DYSF: variants seen among roughly 807,000 people sequenced by gnomAD.
DYSF encodes dystrophy-associated fer-1-like 1.
Under a neutral mutation model 274.9 loss-of-function variants are expected in DYSF, and 212 were observed. The observed-to-expected ratio is 0.77, with a 90% CI of 0.69 to 0.86. DYSF has a LOEUF of 0.86. Ranked by LOEUF, DYSF falls within the 40% of genes least tolerant of loss-of-function variation. DYSF has a pLI of 0.00. For synonymous variants in DYSF, 1,091 were observed against 1,078.7 expected (o/e 1.01, Z -0.22); for missense variants, 2,666 against 2,783.2 (o/e 0.96, Z 0.95).
intron 40 of DYSF, among the ~76,000 whole-genome samples, chr2:71,618,253 CGTGTGTG>C (rs2093965983): frequency 5.7e-4 from 3 of 5,232 alleles, no homozygotes; most frequent in African/African-American, 6.5e-4. Flanking sequence ...GTAGAGGTGG[CGTGTGTG>C]GTAGAGGTGT....
At position 71,569,126 on chromosome 2, in the gene DYSF, G is replaced by A. The variant is rs11901593; in HGVS notation, c.2865-694G>A. 8.5e-3 allele frequency among the ~76,000 whole-genome samples: 1,288 copies of A among 152,122 alleles called. 13 individuals carry two copies. Among genetic ancestry groups the A allele is most frequent in the African/African-American group, 0.027 (1,133 of 41,492 alleles). ...CCTGACCTGGTGATCCACCCGCCTC[G>A]GCCTCCCAAAGTGCTGGGATTACAG... is the stretch of plus-strand genomic sequence containing the variant. On this transcript the variant is annotated intron_variant, in intron 26 of 55. Coordinates refer to ENST00000410020, the MANE Select transcript of DYSF (RefSeq NM_001130987.2).
intron 32 of DYSF, among the ~76,000 whole-genome samples, chr2:71,594,343 T>G (rs936327748): frequency 6.6e-6 from 1 of 152,216 alleles, no homozygotes; most frequent in Admixed American, 6.5e-5. Context: ...CATTGGAGGC[T>G]TGTGAAATGC....
intron 14 of DYSF, among the ~76,000 whole-genome samples, chr2:71,533,649 A>G (rs1200876593): frequency 2.0e-5 from 3 of 152,222 alleles, no homozygotes; most frequent in African/African-American, 2.4e-5. Flanking sequence ...TTCATAGGGC[A>G]GTGGGAACAT....
intron 17 of DYSF, among the ~76,000 whole-genome samples, chr2:71,543,098 T>TC (rs200443086): frequency 0.81 from 120,246 of 149,328 alleles, 49,580 homozygotes; most frequent in African/African-American, 0.89. Context: ...GCTCCTCACT[T>TC]CCAGACGGGG....
chr2:71,534,470 A>C (rs75249700), intron 14 of DYSF, among the ~76,000 whole-genome samples: 3,394 of 152,266 alleles, frequency 0.022, 123 homozygotes, highest in African/African-American at 0.076. Flanking sequence ...CCTGGTCTTT[A>C]GGACAGGGCT....
At chr2:71,539,782 T>C (rs2089748195) in intron 17 of DYSF, among the ~76,000 whole-genome samples, 1 of 152,248 alleles carries the variant, frequency 6.6e-6, no homozygotes, top group African/African-American at 2.4e-5. Context: ...ATTTAATACA[T>C]GGGTATGTGT....
intron 32 of DYSF, among the ~76,000 whole-genome samples, chr2:71,593,725 TG>T (rs2093335642): frequency 6.6e-6 from 1 of 152,180 alleles, no homozygotes; most frequent in African/African-American, 2.4e-5. Flanking sequence ...GAACTGCTGT[TG>T]TGGTTGGAGG....
At chr2:71,501,817 G>C (rs1443913374) in intron 3 of DYSF, among the ~76,000 whole-genome samples, 2 of 152,184 alleles carry the variant, frequency 1.3e-5, no homozygotes, top group African/African-American at 4.8e-5. Flanking sequence ...GACTTGGTTT[G>C]CTTACACCTC....
chr2:71,585,545 G>A (rs1232355606), intron 30 of DYSF, among the ~76,000 whole-genome samples: 1 of 152,160 alleles, frequency 6.6e-6, no homozygotes, highest in African/African-American at 2.4e-5. Context: ...CCAAGCTTGA[G>A]CCACGCTGAT....
chr2:71,574,049 G>T, intron 29 of DYSF, 149 bp from the exon 30 acceptor site: 2 of 899,488 alleles, frequency 2.2e-6, no homozygotes, highest in Non-Finnish European at 3.4e-6. Flanking sequence ...TCCTCTAGGT[G>T]GCCCTCCCAG....
At chr2:71,573,310 G>T (rs900860337) in intron 29 of DYSF, among the ~76,000 whole-genome samples, 2 of 152,204 alleles carry the variant, frequency 1.3e-5, no homozygotes, top group Non-Finnish European at 2.9e-5. Context: ...AGCCTGCCCA[G>T]GCTCATGTGC....
rs1262360262 is a variant in DYSF at position 71,564,123 on chromosome 2, G to GC, written c.2476dup (p.Arg826ProfsTer57). 1 of 1,614,274 alleles carries GC rather than the reference G, an allele frequency of 6.2e-7. No individual in the cohort carries two copies. The highest frequency in any genetic ancestry group is 8.5e-7 in the Non-Finnish European group (1 of 1,180,044). On this transcript the variant is annotated frameshift_variant, in exon 24 of 56. Transcript: ENST00000410020. LOFTEE classifies it high-confidence loss of function. Reference sequence around the variant, plus strand: ...AGGGAGACAAGCGTGTGGCATACCAGCGGGTGCCCGCCCACCAAGTCCTCT... The same window carrying GC: ...AGGGAGACAAGCGTGTGGCATACCAGCCGGGTGCCCGCCCACCAAGTCCTCT...
intron 4 of DYSF, 118 bp from the exon 5 acceptor site, chr2:71,511,689 C>T: frequency 1.3e-6 from 1 of 758,282 alleles, no homozygotes; most frequent in East Asian, 2.7e-5. Context: ...TCCTGCAAAC[C>T]TGGCTCTTGT....
intron 52 of DYSF, among the ~76,000 whole-genome samples, chr2:71,676,428 T>C (rs1311645325): frequency 1.3e-5 from 2 of 152,186 alleles, no homozygotes; most frequent in African/African-American, 4.8e-5. Context: ...GGAATTTTCT[T>C]CATGGTTTTG....
intron 3 of DYSF, among the ~76,000 whole-genome samples, chr2:71,492,193 A>C (rs929681813): frequency 4.6e-5 from 7 of 152,210 alleles, no homozygotes; most frequent in African/African-American, 1.7e-4. Flanking sequence ...AACTATTTAG[A>C]GTTACCCTTG....
At chr2:71,503,380 T>C in intron 4 of DYSF, 61 bp downstream of exon 4, 2 of 1,557,040 alleles carry the variant, frequency 1.3e-6, no homozygotes, top group Non-Finnish European at 1.8e-6. Flanking sequence ...GGCTTCCTCT[T>C]TGGGCCTTGC....
At chr2:71,664,621 A>G (rs1558769746) in intron 46 of DYSF, among the ~76,000 whole-genome samples, 183 bp downstream of exon 46, 1 of 152,232 alleles carries the variant, frequency 6.6e-6, no homozygotes, top group Non-Finnish European at 1.5e-5. Flanking sequence ...ACTGAAGCCC[A>G]GAGATGTTAT....
intron 2 of DYSF, among the ~76,000 whole-genome samples, chr2:71,481,154 A>G (rs1176627003): frequency 6.6e-6 from 1 of 152,094 alleles, no homozygotes; most frequent in Non-Finnish European, 1.5e-5. Context: ...GGAGCTAGAT[A>G]TTTTTTGTTT....
chr2:71,582,062 G>A (rs1227188999), intron 30 of DYSF, among the ~76,000 whole-genome samples: 1 of 133,068 alleles, frequency 7.5e-6, no homozygotes, highest in African/African-American at 2.9e-5. Context: ...AACTGTGATC[G>A]TGCCATTGCA....
Sources: gnomAD v4.1 joint callset for allele counts (sites outside exome capture counted in the v4.1 genomes callset) on GRCh38, gnomAD v4.1.1 for gene constraint, MANE v1.5 for transcripts, NCBI Gene and HGNC (gene_info 2026-07-23, HGNC 2026-07-21) for gene names.